Variants in DOCK10 observed in about 807,000 individuals in gnomAD.
DOCK10 encodes the protein dedicator of cytokinesis 10.
In DOCK10, 145 loss-of-function variants were observed where a neutral mutation model predicts 280.1. That is an observed-to-expected ratio of 0.52 (90% CI 0.45 to 0.59). The LOEUF (loss-of-function observed/expected upper bound fraction) is 0.59, where lower values mean the gene tolerates loss of function less well. DOCK10 is among the 20% of genes least tolerant of loss of function. The pLI is 0.00. For missense variants in DOCK10, 2,368 were observed against 2,651.7 expected (o/e 0.89, Z 2.35); for synonymous variants, 915 against 942.2 (o/e 0.97, Z 0.53).
intron 1 of DOCK10, among the ~76,000 whole-genome samples, chr2:225,025,154 G>A (rs940804296): frequency 1.3e-5 from 2 of 152,184 alleles, no homozygotes; most frequent in Admixed American, 1.3e-4. Flanking sequence ...GGGCTTTGGT[G>A]GAGATCAGGG....
At position 224,810,649 on chromosome 2, in the gene DOCK10, A is replaced by C. The variant is rs1470330652; in HGVS notation, c.3410-2563T>G. 3.3e-5 allele frequency among the ~76,000 whole-genome samples: 3 copies of C among 91,512 alleles called. No homozygotes were observed. The East Asian group carries it at 1.1e-3, about 34-fold the overall frequency. The allele number at this position is 91,512 out of a possible 152,430, so 60.0% of individuals were successfully genotyped here. On this transcript the variant is annotated intron_variant, in intron 31 of 55. Coordinates refer to ENST00000258390, the MANE Select transcript of DOCK10 (RefSeq NM_014689.3). ...TCCCTCCCCCCTCCCCCCACCCCAC[A>C]ACAGTCCCCAGAGTGTGATGTTCCC...
chr2:224,790,433 A>G (rs1035617744), intron 47 of DOCK10, among the ~76,000 whole-genome samples: 4 of 152,334 alleles, frequency 2.6e-5, no homozygotes, highest in African/African-American at 9.6e-5. Context: ...CATTGCTGGT[A>G]CAGGGCTTAG....
chr2:224,772,817 C>T (rs1690541827), intron 53 of DOCK10, among the ~76,000 whole-genome samples: 2 of 152,166 alleles, frequency 1.3e-5, no homozygotes, highest in South Asian at 2.1e-4. Context: ...TTTTAAGGCT[C>T]TTAATGACAG....
intron 1 of DOCK10, among the ~76,000 whole-genome samples, chr2:224,986,473 T>A (rs1705976106): frequency 6.6e-6 from 1 of 152,200 alleles, no homozygotes; most frequent in African/African-American, 2.4e-5. Flanking sequence ...AAAATTCATA[T>A]GTTGGAACCC....
chr2:224,797,656 T>G (rs1247009995), intron 42 of DOCK10, among the ~76,000 whole-genome samples, 176 bp downstream of exon 42: 2 of 152,146 alleles, frequency 1.3e-5, no homozygotes, highest in Admixed American at 1.3e-4. Flanking sequence ...AGCAGACAGA[T>G]TGTCAAGGCT....
At chr2:225,041,653 C>A (rs991347014) in intron 1 of DOCK10, among the ~76,000 whole-genome samples, 1 of 152,232 alleles carries the variant, frequency 6.6e-6, no homozygotes, top group African/African-American at 2.4e-5. Flanking sequence ...AGCCTGTGTT[C>A]CTCAGCCCTT....
Position 224,806,122 on chromosome 2 carries a change from G to C in DOCK10, c.3814+4C>G. 1 of 1,547,298 alleles carries C rather than the reference G, an allele frequency of 6.5e-7. No homozygotes were observed. Among genetic ancestry groups the C allele is most frequent in the Non-Finnish European group, 8.9e-7 (1 of 1,124,274 alleles). ...AATAAGTGTTCTCAGAAGATCTCAA[G>C]TACCTGCTATGGAATTTAAAACATC... On this transcript the variant is annotated splice_donor_region_variant and intron_variant, in intron 34 of 55. Coordinates refer to ENST00000258390, the MANE Select transcript of DOCK10 (RefSeq NM_014689.3).
intron 1 of DOCK10, among the ~76,000 whole-genome samples, chr2:224,980,833 C>A (rs966341482): frequency 6.6e-6 from 1 of 152,018 alleles, no homozygotes; most frequent in Admixed American, 6.6e-5. Context: ...TTAGTATATT[C>A]TTATCACCTT....
intron 7 of DOCK10, among the ~76,000 whole-genome samples, chr2:224,881,822 G>A (rs13406593): frequency 0.18 from 27,322 of 151,994 alleles, 4,090 homozygotes; most frequent in African/African-American, 0.42. Context: ...TGTTTTCCTT[G>A]TAATGTTCTT....
At chr2:225,022,015 G>C (rs924073335) in intron 1 of DOCK10, among the ~76,000 whole-genome samples, 1 of 152,054 alleles carries the variant, frequency 6.6e-6, no homozygotes, top group African/African-American at 2.4e-5. Context: ...TTAGTAGGTG[G>C]CAAAAGAACA....
chr2:224,886,703 C>T (rs760850995), intron 4 of DOCK10, among the ~76,000 whole-genome samples, 172 bp from the exon 5 acceptor site: 1 of 152,116 alleles, frequency 6.6e-6, no homozygotes, highest in Non-Finnish European at 1.5e-5. Context: ...CTTTCCTCTG[C>T]CATGATATCT....
chr2:224,824,011 T>C (rs1349963010), intron 27 of DOCK10, among the ~76,000 whole-genome samples: 1 of 123,280 alleles, frequency 8.1e-6, no homozygotes, highest in Non-Finnish European at 1.6e-5. Context: ...TAGCTACTAT[T>C]AATGGTTAAT....
chr2:224,974,793 A>C (rs2122250), intron 1 of DOCK10, among the ~76,000 whole-genome samples: 50,184 of 112,392 alleles, frequency 0.45, 13,716 homozygotes, highest in African/African-American at 0.59. Flanking sequence ...TGTTCTCTCT[A>C]TATATATCAT....
At chr2:224,829,993 C>T (rs1343406374) in intron 27 of DOCK10, among the ~76,000 whole-genome samples, 2 of 152,150 alleles carry the variant, frequency 1.3e-5, no homozygotes, top group Non-Finnish European at 2.9e-5. Flanking sequence ...TCAAATGTTC[C>T]TTCAAGACAG....
At chr2:225,014,535 T>C (rs1689539337) in intron 1 of DOCK10, among the ~76,000 whole-genome samples, 1 of 152,166 alleles carries the variant, frequency 6.6e-6, no homozygotes, top group Non-Finnish European at 1.5e-5. Flanking sequence ...GATTAATCTC[T>C]AAAATTTTAG....
At chr2:224,860,348 T>C (rs1375651937) in intron 14 of DOCK10, among the ~76,000 whole-genome samples, 1 of 152,222 alleles carries the variant, frequency 6.6e-6, no homozygotes, top group African/African-American at 2.4e-5. Context: ...GTGAGATAGA[T>C]ATGATCTCTG....
In DOCK10 at chr2:224,816,713, T is replaced by C; in HGVS notation, c.3268A>G (p.Thr1090Ala). 3 of 1,570,806 alleles carry C rather than the reference T, an allele frequency of 1.9e-6. No homozygotes were observed. The highest frequency in any genetic ancestry group is 2.6e-6 in the Non-Finnish European group (3 of 1,147,086). ...ISMFSSGDLKTLCQYKFDFLQ... is the reference protein window; with the variant it reads ...ISMFSSGDLKALCQYKFDFLQ... ...AAATCAAATTTATACTGGCACAAGGTCTGAAAGAGAGGCAAACTAAATGAC... is the reference window on the plus strand; with the variant it reads ...AAATCAAATTTATACTGGCACAAGGCCTGAAAGAGAGGCAAACTAAATGAC... Residue 1090 changes from threonine (T) to alanine (A), a missense_variant and splice_region_variant, in exon 30 of 56, where the codon ACC becomes GCC. By Grantham distance (58) the Thr-to-Ala change is moderately conservative. Around this residue, in one of 2 missense-constraint regions of DOCK10, gnomAD observed 1,159 missense variants for 1,400.8 expected, o/e 0.83. Coordinates refer to ENST00000258390, the MANE Select transcript of DOCK10 (RefSeq NM_014689.3).
rs534724444 is a variant in DOCK10, at chr2:224,807,348, T to C, written c.3702+320A>G. On this transcript the variant is annotated intron_variant, in intron 33 of 55. Transcript: ENST00000258390. ...TGACACCAGGGGGGGATGTAGGGAA[T>C]GTAGAAAGTGGTAGGAGAAGGTGTC... The C allele has an allele frequency of 4.3e-4, 91 of 212,236 alleles. 1 individual carries two copies. In the South Asian group the frequency reaches 8.0e-3, roughly 19 times the overall value. The allele number at this position is 212,236 out of a possible 1,614,324, so 13.1% of individuals were successfully genotyped here.
At chr2:224,959,511 C>T (rs544553450) in intron 1 of DOCK10, among the ~76,000 whole-genome samples, 14 of 151,306 alleles carry the variant, frequency 9.3e-5, no homozygotes, top group African/African-American at 2.9e-4. Context: ...TCCTCTTTCT[C>T]CACATTTAGT....
Sources: allele counts gnomAD v4.1 joint callset (sites outside exome capture counted in the v4.1 genomes callset), GRCh38; gene constraint gnomAD v4.1.1; regional missense constraint gnomAD v4.1.1; transcripts MANE v1.5; gene names NCBI Gene and HGNC (gene_info 2026-07-23, HGNC 2026-07-21).